ITPR3: variants seen among roughly 807,000 people sequenced by gnomAD.
ITPR3 encodes inositol 1,4,5-trisphosphate receptor type 3.
ITPR3 carries 173 observed loss-of-function variants against 293.2 expected under a neutral mutation model. The ratio of observed to expected loss-of-function variants is 0.59; its 90% CI spans 0.52 to 0.67. The LOEUF is 0.67. Ranked by LOEUF, ITPR3 falls within the 30% of genes least tolerant of loss-of-function variation. The pLI, the probability that ITPR3 is intolerant of heterozygous loss-of-function variation, is 0.00. For missense variants in ITPR3, 2,796 were observed against 3,592.1 expected, an observed-to-expected ratio of 0.78 and a Z score of 5.66; for synonymous variants, 1,295 against 1,444.4, an observed-to-expected ratio of 0.90 and a Z score of 2.35.
At chr6:33,669,472 C>T (rs116626145) in intron 18 of ITPR3, among the ~76,000 whole-genome samples, 1 of 152,204 alleles carries the variant, frequency 6.6e-6, no homozygotes, top group Non-Finnish European at 1.5e-5. Context: ...TGGTGCACAC[C>T]TGTAGTCCCA....
At chr6:33,694,560 C>A in intron 56 of ITPR3, 1 of 264,732 alleles carries the variant, frequency 3.8e-6, no homozygotes, top group Non-Finnish European at 7.3e-6. Flanking sequence ...GGCAGGCGGG[C>A]GGGAGGAAGG....
chr6:33,659,251 C>A, intron 6 of ITPR3, 132 bp downstream of exon 6: 1 of 926,204 alleles, frequency 1.1e-6, no homozygotes, highest in Non-Finnish European at 1.7e-6. Flanking sequence ...GGCCTCACGG[C>A]TTCTGCATCC....
intron 2 of ITPR3, among the ~76,000 whole-genome samples, chr6:33,650,140 ACCC>A (rs1220699576): frequency 6.6e-6 from 1 of 152,070 alleles, no homozygotes; most frequent in Non-Finnish European, 1.5e-5. Context: ...TCTCCTGGCT[ACCC>A]ATCCACCCTC....
chr6:33,654,033 C>T lies in ITPR3; in HGVS notation c.161-1733C>T, dbSNP rs767822291. Among the ~76,000 whole-genome samples, 12 of 152,118 alleles carry T rather than the reference C, an allele frequency of 7.9e-5. No individual in the cohort carries two copies. The highest frequency in any genetic ancestry group is 1.3e-4 in the Non-Finnish European group (9 of 68,014). ...CTGTAATCCCAGCACTTTTGTAGGC[C>T]GAAGTGGGTGGATCACTTGAGGTCA... On this transcript the variant is annotated intron_variant, in intron 2 of 57. Transcript: ENST00000605930. This position sits in a 1 kb window ranked among gnomAD's most constrained non-coding sequence, Gnocchi z 4.1.
rs540122843 is a variant in ITPR3 at position 33,691,503 on chromosome 6, C to G, written c.7226-112C>G. The G allele has an allele frequency of 3.7e-4, 319 of 856,518 alleles. No individual in the cohort carries two copies. The African/African-American group carries it at 4.7e-3, about 13-fold the overall frequency. The allele number at this position is 856,518 out of a possible 1,614,324, so 53.1% of individuals were successfully genotyped here. A position where few individuals can be genotyped will look rare whatever the true frequency, so the allele number is the denominator to read the frequency against. ...TTCACTGTGGCTGGACAGTGGAGGG[C>G]TGGCGATCCAGGACCAGGGAAGGTT... On this transcript the variant is annotated intron_variant, in intron 52 of 57. Coordinates refer to ENST00000605930, the MANE Select transcript of ITPR3 (RefSeq NM_002224.4). The surrounding 1 kb of genome is among the most constrained non-coding windows in gnomAD (Gnocchi z 4.9).
intron 22 of ITPR3, among the ~76,000 whole-genome samples, chr6:33,673,119 C>T (rs1254138349): frequency 6.6e-6 from 1 of 152,174 alleles, no homozygotes; most frequent in Non-Finnish European, 1.5e-5. Context: ...GTCTGCAAGC[C>T]CTGCATCCTC....
Position 33,695,016 on chromosome 6 carries a change from G to A in ITPR3, c.7878G>A (p.Gln2626=), listed in dbSNP as rs769795978. Residue 2626 remains glutamine (Q), a synonymous_variant, in exon 57 of 58, where the codon CAG becomes CAA. Coordinates refer to ENST00000605930, the MANE Select transcript of ITPR3 (RefSeq NM_002224.4). The part of the protein sequence containing the change: ...EGEQNEIRIL[Q]DKLNSTMKLV... The stretch of plus-strand genomic sequence containing the variant: ...AGCAGAATGAGATTCGGATTCTCCA[G>A]GACAAGCTCAACTCCACCATGAAGC... 1.2e-6 allele frequency: 2 copies of A among 1,614,112 alleles called. No individual in the cohort carries two copies. The highest frequency in any genetic ancestry group is 8.5e-7 in the Non-Finnish European group (1 of 1,180,010).
intron 10 of ITPR3, 30 bp downstream of exon 10, chr6:33,663,580 C>T (rs754086775): frequency 1.9e-6 from 3 of 1,602,670 alleles, no homozygotes; most frequent in Admixed American, 1.7e-5. Context: ...TCCAGTGAGA[C>T]CATGGGCCTG....
intron 56 of ITPR3, chr6:33,694,202 G>A (rs1450433508): frequency 6.4e-6 from 1 of 156,754 alleles, no homozygotes; most frequent in Non-Finnish European, 1.4e-5. Flanking sequence ...GGGGAGCCTG[G>A]AAAAACTTTA....
At chr6:33,635,514 C>T (rs1324008818) in intron 1 of ITPR3, among the ~76,000 whole-genome samples, 1 of 152,134 alleles carries the variant, frequency 6.6e-6, no homozygotes, top group Non-Finnish European at 1.5e-5. Context: ...TGTGCCCTCA[C>T]GGCACTTAAC....
At chr6:33,665,793 G>A in intron 13 of ITPR3, 42 bp from the exon 14 acceptor site, 1 of 1,608,118 alleles carries the variant, frequency 6.2e-7, no homozygotes, top group South Asian at 1.1e-5. Context: ...CACCTGCTGG[G>A]TGGGTATCTC....
Position 33,683,354 on chromosome 6 carries a change from C to T in ITPR3, c.4745C>T (p.Thr1582Ile), listed in dbSNP as rs765842236. The T allele has an allele frequency of 5.6e-6, 9 of 1,595,764 alleles. No homozygotes were observed. The highest frequency in any genetic ancestry group is 1.7e-4 in the Middle Eastern group (1 of 6,054). Residue 1582 changes from threonine to isoleucine, a missense_variant, in exon 35 of 58, where the codon ACC (threonine) becomes ATC (isoleucine). By Grantham distance (89) the Thr-to-Ile change is moderately conservative. Around this residue, in one of 8 missense-constraint regions of ITPR3, gnomAD observed 704 missense variants for 797.5 expected, o/e 0.88. Coordinates refer to ENST00000605930, the MANE Select transcript of ITPR3 (RefSeq NM_002224.4). The surrounding 1 kb of genome is among the most constrained non-coding windows in gnomAD (Gnocchi z 4.5). ...TTRAFPRVTPTANQWDYKNII... is the reference protein window; with the variant it reads ...TTRAFPRVTPIANQWDYKNII... ...CGGGCCTTCCCCCGCGTCACCCCCA[C>T]CGCCAACCAGTGGGACTACAAGAAC...
chr6:33,695,372 G>A, intron 57 of ITPR3: 1 of 560,632 alleles, frequency 1.8e-6, no homozygotes, highest in Non-Finnish European at 3.2e-6. Context: ...TAGGTCCTTT[G>A]AGGGGATCCC....
rs200496278 is a variant in ITPR3 at position 33,660,935 on chromosome 6, AAAAC to A, written c.711+1393_711+1396del. The stretch of plus-strand genomic sequence containing the variant: ...GACAGAGCGAGACTCCTTCTCAAAA[AAAAC>A]AAACAAGCAAACAAACAAACAAATA... On this transcript the variant is annotated intron_variant, in intron 7 of 57. Transcript: ENST00000605930. Among the ~76,000 whole-genome samples, 794 of 150,836 alleles carry A rather than the reference AAAAC, an allele frequency of 5.3e-3. 6 individuals carry two copies. Among genetic ancestry groups the A allele is most frequent in the African/African-American group, 0.019 (759 of 40,130 alleles).
At chr6:33,695,566 G>T (rs763407454) in intron 57 of ITPR3, 146 bp from the exon 58 acceptor site, 2 of 720,030 alleles carry the variant, frequency 2.8e-6, no homozygotes, top group South Asian at 3.3e-5. Context: ...CATCCTTAAA[G>T]CACCCCGAGG....
Position 33,659,504 on chromosome 6 carries a change from C to A in ITPR3, c.666C>A (p.Asn222Lys), listed in dbSNP as rs773486472. 10 of 1,614,044 alleles carry A rather than the reference C, an allele frequency of 6.2e-6. No individual in the cohort carries two copies. The highest frequency in any genetic ancestry group is 8.5e-6 in the Non-Finnish European group (10 of 1,180,022). ...SVNCNTSWKI[N>K]LFMQFRDHLE... is the part of the protein sequence containing the mutation. ...ACTGCAACACCAGCTGGAAGATCAA[C>A]CTGTTTATGCAGTTTCGGGACCACC... is the stretch of plus-strand genomic sequence containing the variant. Residue 222 changes from asparagine to lysine, a missense_variant, in exon 7 of 58, where the codon AAC becomes AAA. Asn to Lys is a moderately conservative substitution (Grantham distance 94). Around this residue, in one of 8 missense-constraint regions of ITPR3, gnomAD observed 144 missense variants for 230.8 expected, o/e 0.62. Coordinates refer to ENST00000605930, the MANE Select transcript of ITPR3 (RefSeq NM_002224.4).
chr6:33,637,897 C>T (rs1186992480), intron 1 of ITPR3, among the ~76,000 whole-genome samples: 2 of 151,984 alleles, frequency 1.3e-5, no homozygotes, highest in African/African-American at 4.8e-5. Context: ...GATTAGCCTG[C>T]CTCGGCCTCC....
chr6:33,678,502 G>T lies in ITPR3; in HGVS notation c.3730G>T (p.Ala1244Ser). The change falls in exon 29 of 58, where the codon GCC (alanine) becomes TCC (serine). Residue 1244 changes from alanine (A) to serine (S), a missense_variant. This residue lies in a region of ITPR3 where 344 missense variants were observed against 460.3 expected (regional missense o/e 0.75). Transcript: ENST00000605930. The stretch of plus-strand genomic sequence containing the variant: ...CTGTGCAGGGAACCCCGGCAACCAG[G>T]CCCTGCTGCACAAACACCTGCACCT... Reference protein sequence around the residue: ...KFCAGNPGNQALLHKHLHLFL... With the variant: ...KFCAGNPGNQSLLHKHLHLFL... 6.2e-7 allele frequency: 1 copy of T among 1,605,434 alleles called. No individual in the cohort carries two copies. Among genetic ancestry groups the T allele is most frequent in the East Asian group, 2.3e-5 (1 of 44,170 alleles).
Position 33,659,479 on chromosome 6 carries a change from A to G in ITPR3, c.641A>G (p.Asn214Ser), listed in dbSNP as rs774998552. 1 of 1,614,002 alleles carries G rather than the reference A, an allele frequency of 6.2e-7. No individual in the cohort carries two copies. The highest frequency in any genetic ancestry group is 8.5e-7 in the Non-Finnish European group (1 of 1,179,948). ...ACCCTTCCGCAGGTCAATTCTGTGA[A>G]CTGCAACACCAGCTGGAAGATCAAC... ...NAGCKEVNSV[N>S]CNTSWKINLF... The change falls in exon 7 of 58, where the codon AAC becomes AGC. Residue 214 changes from asparagine to serine, a missense_variant. Physicochemically the swap from Asn to Ser is conservative, Grantham distance 46 (BLOSUM62 1). Coordinates refer to ENST00000605930, the MANE Select transcript of ITPR3 (RefSeq NM_002224.4).
Sources: gnomAD v4.1 joint callset for allele counts (sites outside exome capture counted in the v4.1 genomes callset) on GRCh38, gnomAD v4.1.1 for gene constraint, gnomAD v4.1.1 regional missense constraint, Gnocchi (gnomAD v3.1) non-coding constraint, MANE v1.5 for transcripts, NCBI Gene and HGNC (gene_info 2026-07-23, HGNC 2026-07-21) for gene names.